GABBR2: variants seen among roughly 807,000 people sequenced by gnomAD.
GABBR2 encodes G-protein coupled receptor 51.
GABBR2 carries 23 observed loss-of-function variants against 105.6 expected under a neutral mutation model. The observed-to-expected ratio is 0.22, with a 90% CI of 0.16 to 0.31. The LOEUF (loss-of-function observed/expected upper bound fraction) is 0.31. GABBR2 is among the 10% of genes least tolerant of loss of function. The pLI, the probability that GABBR2 is intolerant of heterozygous loss-of-function variation, is 1.00. For missense variants in GABBR2, 734 were observed against 1,245.5 expected (o/e 0.59, Z 6.18); for synonymous variants, 478 against 499.7 (o/e 0.96, Z 0.58).
chr9:98,436,347 CCATATATAT>C (rs1825914436), intron 7 of GABBR2, among the ~76,000 whole-genome samples: 1 of 31,634 alleles, frequency 3.2e-5, no homozygotes, highest in African/African-American at 1.8e-4. Flanking sequence ...CACACACACA[CCATATATAT>C]ATATATATAT....
chr9:98,552,940 G>T (rs1482044999), intron 2 of GABBR2, among the ~76,000 whole-genome samples: 5 of 152,014 alleles, frequency 3.3e-5, no homozygotes, highest in South Asian at 2.1e-4. Flanking sequence ...ACAGTAGCAT[G>T]ATCATAGCTC....
intron 11 of GABBR2, among the ~76,000 whole-genome samples, chr9:98,372,934 G>A (rs887320660): frequency 6.6e-6 from 1 of 152,040 alleles, no homozygotes; most frequent in Non-Finnish European, 1.5e-5. Flanking sequence ...GTACAGGTGG[G>A]TGCTTAGCCT....
intron 3 of GABBR2, among the ~76,000 whole-genome samples, chr9:98,499,943 C>A (rs2131676428): frequency 6.6e-6 from 1 of 152,308 alleles, no homozygotes; most frequent in Admixed American, 6.5e-5. Flanking sequence ...ATCCCAGCTA[C>A]TTGGGAGGCT....
Position 98,577,941 on chromosome 9 carries a change from C to T in GABBR2, c.453G>A (p.Leu151=), listed in dbSNP as rs773090452. ...AAGGTAGCTCAGACCTTACCTGCAC[C>T]AGATTCCAGCCTTGGAGGGACTCTG... ...IIAESLQGWN[L]VQLSFAATTP... Residue 151 remains leucine, a synonymous_variant, in exon 2 of 19, where the codon CTG becomes CTA. Transcript: ENST00000259455. The T allele has an allele frequency of 5.6e-6, 9 of 1,611,152 alleles. No homozygotes were observed. The highest frequency in any genetic ancestry group is 2.7e-5 in the African/African-American group (2 of 74,804).
intron 7 of GABBR2, among the ~76,000 whole-genome samples, chr9:98,412,744 T>A (rs907622145): frequency 2.6e-5 from 4 of 152,236 alleles, no homozygotes; most frequent in Non-Finnish European, 4.4e-5. Flanking sequence ...AAACTGGCTA[T>A]GAAGAAATCA....
intron 2 of GABBR2, among the ~76,000 whole-genome samples, chr9:98,544,201 C>T (rs1421015865): frequency 6.6e-6 from 1 of 152,182 alleles, no homozygotes; most frequent in African/African-American, 2.4e-5. Context: ...AGGGAAATAA[C>T]ATCCTGGTAC....
At chr9:98,558,366 T>C (rs1162131117) in intron 2 of GABBR2, among the ~76,000 whole-genome samples, 1 of 152,180 alleles carries the variant, frequency 6.6e-6, no homozygotes, top group Non-Finnish European at 1.5e-5. Context: ...TACTGAGAAG[T>C]GGGCTAAGGG....
intron 2 of GABBR2, among the ~76,000 whole-genome samples, chr9:98,561,014 A>C (rs1368414750): frequency 6.6e-6 from 1 of 151,894 alleles, no homozygotes; most frequent in Non-Finnish European, 1.5e-5. Context: ...CCATATTCAA[A>C]TTTCTTCAAT....
At chr9:98,371,968 G>C (rs562611270) in intron 11 of GABBR2, among the ~76,000 whole-genome samples, 28 of 152,244 alleles carry the variant, frequency 1.8e-4, no homozygotes, top group African/African-American at 6.7e-4. Context: ...CTCCCCACAT[G>C]GTCAGGCCAT....
chr9:98,391,604 G>T (rs1832182015), intron 9 of GABBR2, among the ~76,000 whole-genome samples: 2 of 152,216 alleles, frequency 1.3e-5, no homozygotes, highest in Admixed American at 1.3e-4. Context: ...GATGAGTAGA[G>T]TAGTTGGCTG....
intron 13 of GABBR2, among the ~76,000 whole-genome samples, chr9:98,333,892 C>G (rs1363116071): frequency 6.6e-6 from 1 of 152,168 alleles, no homozygotes; most frequent in Non-Finnish European, 1.5e-5. Flanking sequence ...TGTTATTTAA[C>G]CCCTCTGTGC....
chr9:98,708,059 A>G (rs767118086), intron 1 of GABBR2, among the ~76,000 whole-genome samples: 2 of 152,166 alleles, frequency 1.3e-5, no homozygotes, highest in African/African-American at 2.4e-5. Context: ...TCGCAGCCCC[A>G]TGAGCGGGAC....
intron 1 of GABBR2, among the ~76,000 whole-genome samples, chr9:98,674,491 G>GCAGAAA (rs1288405997): frequency 6.6e-6 from 1 of 152,146 alleles, no homozygotes; most frequent in Non-Finnish European, 1.5e-5. Context: ...GGGGGAAGAG[G>GCAGAAA]CAGAAATAGG....
At chr9:98,300,240 C>T (rs927380626) in intron 16 of GABBR2, among the ~76,000 whole-genome samples, 1 of 152,070 alleles carries the variant, frequency 6.6e-6, no homozygotes, top group African/African-American at 2.4e-5. Flanking sequence ...CTCTGAGCCT[C>T]ACACTATCAT....
chr9:98,699,683 TCA>T (rs1334902767), intron 1 of GABBR2, among the ~76,000 whole-genome samples: 1 of 152,056 alleles, frequency 6.6e-6, no homozygotes, highest in East Asian at 1.9e-4. Context: ...GTGCTGCAAT[TCA>T]CAGAGAACAG....
chr9:98,505,942 A>G (rs1827502187), intron 3 of GABBR2, among the ~76,000 whole-genome samples: 1 of 152,208 alleles, frequency 6.6e-6, no homozygotes, highest in Non-Finnish European at 1.5e-5. Flanking sequence ...GGAAACTAAT[A>G]CACCTGGGGC....
At chr9:98,303,895 C>A (rs1161708435) in intron 15 of GABBR2, among the ~76,000 whole-genome samples, 2 of 152,246 alleles carry the variant, frequency 1.3e-5, no homozygotes, top group Admixed American at 6.5e-5. Context: ...TGTTTTTTAG[C>A]AGCTTAAAAC....
intron 1 of GABBR2, among the ~76,000 whole-genome samples, chr9:98,625,055 A>G (rs1829716345): frequency 6.6e-6 from 1 of 152,188 alleles, no homozygotes; most frequent in Non-Finnish European, 1.5e-5. Flanking sequence ...CAGGAAGCAC[A>G]GCCCAAGCCC....
intron 3 of GABBR2, among the ~76,000 whole-genome samples, chr9:98,509,444 AG>A (rs1446037748): frequency 3.3e-5 from 5 of 152,344 alleles, no homozygotes; most frequent in African/African-American, 9.6e-5. Context: ...AGTTGAGAGA[AG>A]AAGACTTCAG....
Sources: gnomAD v4.1 joint callset for allele counts (sites outside exome capture counted in the v4.1 genomes callset) on GRCh38, gnomAD v4.1.1 for gene constraint, MANE v1.5 for transcripts, NCBI Gene and HGNC (gene_info 2026-07-23, HGNC 2026-07-21) for gene names.